Variants in CACNB4 observed in about 807,000 individuals in gnomAD.
CACNB4 encodes the protein calcium voltage-gated channel auxiliary subunit beta 4.
CACNB4 carries 32 observed loss-of-function variants against 71.2 expected under a neutral mutation model. The ratio of observed to expected loss-of-function variants is 0.45; its 90% CI spans 0.34 to 0.60. The LOEUF (loss-of-function observed/expected upper bound fraction) is 0.60, where lower values mean the gene tolerates loss of function less well. Among genes scored for constraint, CACNB4 ranks in the 20% least tolerant of loss-of-function variants. CACNB4 has a pLI of 0.01. For missense variants in CACNB4, 464 were observed against 647.9 expected (o/e 0.72, Z 3.08); for synonymous variants, 231 against 236.9 (o/e 0.97, Z 0.23).
At chr2:152,049,619 C>T (rs79841988) in intron 2 of CACNB4, among the ~76,000 whole-genome samples, 2,508 of 152,008 alleles carry the variant, frequency 0.016, 72 homozygotes, top group African/African-American at 0.057. Context: ...CATTTTCTCT[C>T]TCTCCCTGAC....
At position 152,083,572 on chromosome 2, in the gene CACNB4, C is replaced by T. The variant is rs577654604; in HGVS notation, c.147+14758G>A. Among the ~76,000 whole-genome samples the T allele has an allele frequency of 5.9e-5, 9 of 152,262 alleles. No individual in the cohort carries two copies. The East Asian group carries it at 1.5e-3, about 26-fold the overall frequency. On this transcript the variant is annotated intron_variant, in intron 2 of 13. Transcript: ENST00000539935. ...GAAGAACACACAGTGTTAAATGAAC[C>T]GCACAGAAAGAGTAAAGCTGCTGAT...
intron 2 of CACNB4, among the ~76,000 whole-genome samples, chr2:151,896,782 G>A (rs576292439): frequency 6.6e-6 from 1 of 152,282 alleles, no homozygotes; most frequent in East Asian, 1.9e-4. Flanking sequence ...CTAGGAAATA[G>A]GGTTTTGATT....
At chr2:151,994,909 C>A (rs1248693932) in intron 2 of CACNB4, among the ~76,000 whole-genome samples, 1 of 152,164 alleles carries the variant, frequency 6.6e-6, no homozygotes, top group Non-Finnish European at 1.5e-5. Flanking sequence ...ACTGAGATCA[C>A]AAGTGTGAGC....
intron 2 of CACNB4, among the ~76,000 whole-genome samples, chr2:151,955,926 A>G (rs913063679): frequency 1.3e-5 from 2 of 152,190 alleles, no homozygotes; most frequent in Non-Finnish European, 2.9e-5. Context: ...AGAAAAAAAA[A>G]AAAAGAATTA....
rs185325142 is a variant in CACNB4 at position 152,017,982 on chromosome 2, A to G, written c.147+80348T>C. On this transcript the variant is annotated intron_variant, in intron 2 of 13. Coordinates refer to ENST00000539935, the MANE Select transcript of CACNB4 (RefSeq NM_000726.5). ...AGAGTAGCCGGGATTACAGGTGCTC[A>G]CCACCATGCCCAGCTAATTTTTGTA... Among the ~76,000 whole-genome samples, 714 of 151,836 alleles carry G rather than the reference A, an allele frequency of 4.7e-3. 4 individuals are homozygous for G. The highest frequency in any genetic ancestry group is 0.016 in the African/African-American group (683 of 41,446).
At chr2:151,860,539 C>T (rs1231276082) in intron 10 of CACNB4, 172 bp downstream of exon 10, 4 of 621,948 alleles carry the variant, frequency 6.4e-6, no homozygotes, top group Admixed American at 3.0e-5. Context: ...AGCAAGCTCT[C>T]GCTACTGCAA....
At chr2:151,889,067 A>T (rs2099850085) in intron 2 of CACNB4, among the ~76,000 whole-genome samples, 1 of 152,212 alleles carries the variant, frequency 6.6e-6, no homozygotes, top group Non-Finnish European at 1.5e-5. Flanking sequence ...TTCTACCTGT[A>T]GCTAGTGGCT....
At chr2:151,891,234 G>A (rs1282009902) in intron 2 of CACNB4, among the ~76,000 whole-genome samples, 2 of 152,130 alleles carry the variant, frequency 1.3e-5, no homozygotes, top group African/African-American at 2.4e-5. Flanking sequence ...TTGCTAGTCT[G>A]AGGAGACCCA....
At chr2:151,986,001 T>C (rs569212032) in intron 2 of CACNB4, among the ~76,000 whole-genome samples, 2 of 152,320 alleles carry the variant, frequency 1.3e-5, no homozygotes, top group East Asian at 1.9e-4. Context: ...GGCAAATGAA[T>C]GAGACGACTG....
At chr2:151,839,576 G>T (rs755093396) in intron 13 of CACNB4, among the ~76,000 whole-genome samples, 197 bp from the exon 14 acceptor site, 30 of 152,208 alleles carry the variant, frequency 2.0e-4, no homozygotes, top group Non-Finnish European at 3.7e-4. Context: ...ATGCCAGAGT[G>T]TTGATAGTTT....
chr2:151,870,129 G>T, intron 8 of CACNB4: 2 of 620,122 alleles, frequency 3.2e-6, no homozygotes, highest in South Asian at 1.9e-5. Flanking sequence ...GGTGAACTCT[G>T]TTTGGGCTTT....
intron 2 of CACNB4, among the ~76,000 whole-genome samples, chr2:152,068,900 TC>T (rs1686499919): frequency 6.6e-6 from 1 of 152,088 alleles, no homozygotes; most frequent in South Asian, 2.1e-4. Context: ...CCATGTCATG[TC>T]CTCTAGGCCC....
At chr2:152,033,233 C>T (rs771113058) in intron 2 of CACNB4, among the ~76,000 whole-genome samples, 1 of 152,178 alleles carries the variant, frequency 6.6e-6, no homozygotes, top group African/African-American at 2.4e-5. Flanking sequence ...CATGCTTACA[C>T]GTTTTTACAA....
intron 2 of CACNB4, among the ~76,000 whole-genome samples, chr2:152,088,921 C>G (rs1217354759): frequency 1.3e-5 from 2 of 152,252 alleles, no homozygotes; most frequent in African/African-American, 4.8e-5. Flanking sequence ...TCAGCCTCAT[C>G]TATTTCTGAA....
chr2:151,891,191 T>C (rs2099850642), intron 2 of CACNB4, among the ~76,000 whole-genome samples: 1 of 152,202 alleles, frequency 6.6e-6, no homozygotes, highest in African/African-American at 2.4e-5. Context: ...GTTTTTGCTA[T>C]AATTGCCCTG....
intron 2 of CACNB4, among the ~76,000 whole-genome samples, chr2:151,961,664 G>A (rs1025456250): frequency 5.3e-5 from 8 of 152,182 alleles, no homozygotes; most frequent in African/African-American, 1.9e-4. Context: ...GCCGAGGCAG[G>A]AGGACTGCTT....
chr2:151,941,753 G>A (rs1160965187), intron 2 of CACNB4, among the ~76,000 whole-genome samples: 4 of 152,152 alleles, frequency 2.6e-5, no homozygotes, highest in Admixed American at 6.6e-5. Flanking sequence ...ACCAAGTAAT[G>A]TACAAACAAT....
intron 12 of CACNB4, among the ~76,000 whole-genome samples, chr2:151,844,387 G>A (rs1042894534): frequency 6.6e-6 from 1 of 151,998 alleles, no homozygotes; most frequent in African/African-American, 2.4e-5. Context: ...GTAAGCCAAA[G>A]AATGTTATCT....
intron 2 of CACNB4, among the ~76,000 whole-genome samples, chr2:151,978,587 G>A (rs2099874190): frequency 6.6e-6 from 1 of 152,166 alleles, no homozygotes; most frequent in Non-Finnish European, 1.5e-5. Flanking sequence ...CTATCAAGAA[G>A]ATTGTGCAAA....
Sources: gnomAD v4.1 joint callset for allele counts (sites outside exome capture counted in the v4.1 genomes callset) on GRCh38, gnomAD v4.1.1 for gene constraint, MANE v1.5 for transcripts, NCBI Gene and HGNC (gene_info 2026-07-23, HGNC 2026-07-21) for gene names.